Variants in BPIFB3 observed in about 807,000 individuals in gnomAD.
BPIFB3 encodes the protein BPI fold-containing family B member 3.
In BPIFB3, 49 loss-of-function variants were observed where a neutral mutation model predicts 53.1. The observed-to-expected ratio is 0.92, with a 90% CI of 0.73 to 1.17. The LOEUF (loss-of-function observed/expected upper bound fraction) is 1.17. Among genes scored for constraint, BPIFB3 ranks in the 50% most tolerant of loss-of-function variants. The pLI, the probability that BPIFB3 is intolerant of heterozygous loss-of-function variation, is 0.00. For synonymous variants in BPIFB3, 271 were observed against 269.6 expected (o/e 1.01, Z -0.05); for missense variants, 628 against 592.5 (o/e 1.06, Z -0.62).
chr20:33,071,191 G>A (rs985743588), intron 11 of BPIFB3, 62 bp from the exon 13 acceptor site: 149 of 1,485,536 alleles, frequency 1.0e-4, no homozygotes, highest in South Asian at 2.1e-4. Context: ...GGGGCAGGCT[G>A]GGGGTGGGAC....
chr20:33,061,895 T>C (rs757257765), intron 5 of BPIFB3, 64 bp downstream of exon 6: 437 of 1,584,180 alleles, frequency 2.8e-4, no homozygotes, highest in Non-Finnish European at 3.6e-4. Flanking sequence ...CCCCCTCTGG[T>C]TTTGGGTGAA....
chr20:33,072,260 T>C lies in BPIFB3; in HGVS notation c.1324+93T>C, dbSNP rs1019505670. 4 of 1,340,422 alleles carry C rather than the reference T, an allele frequency of 3.0e-6. No homozygotes were observed. In the East Asian group the frequency reaches 6.9e-5, roughly 23 times the overall value. The allele number at this position is 1,340,422 out of a possible 1,614,324, so 83.0% of individuals were successfully genotyped here. A position where few individuals can be genotyped will look rare whatever the true frequency, so the allele number is the denominator to read the frequency against. ...CTCTTTATGGTTCTGATGGGGACAC[T>C]GAGGCCAGAGAGAGAGGTCGATCCT... On this transcript the variant is annotated intron_variant, in intron 13 of 14. Coordinates refer to ENST00000375494, the Ensembl canonical transcript of BPIFB3.
intron 12 of BPIFB3, 94 bp from the exon 14 acceptor site, chr20:33,072,010 G>A: frequency 2.3e-6 from 3 of 1,315,706 alleles, no homozygotes; most frequent in Non-Finnish European, 2.2e-6. Context: ...AGGCAGCTGG[G>A]CCCCTGGGTT....
rs1600539797 is a variant in BPIFB3, at chr20:33,062,675, A to G, written c.591+844A>G. ...GTTTTGAAAACGAGCATTCATTGCC[A>G]ACATTCAGCATTGAAGATTTCTCGT... On this transcript the variant is annotated intron_variant, in intron 5 of 14. Coordinates refer to ENST00000375494, the Ensembl canonical transcript of BPIFB3. 2.6e-5 allele frequency among the ~76,000 whole-genome samples: 4 copies of G among 152,350 alleles called. 1 individual carries two copies. Among genetic ancestry groups the G allele is most frequent in the Admixed American group, 2.6e-4 (4 of 15,306 alleles).
chr20:33,067,992 AGTCTCAT>A (rs1231432739), intron 9 of BPIFB3, among the ~76,000 whole-genome samples: 1 of 152,168 alleles, frequency 6.6e-6, no homozygotes, highest in Admixed American at 6.5e-5. Flanking sequence ...TAATTTCCTT[AGTCTCAT>A]GACGTTGCAA....
chr20:33,065,116 T>C (rs1980619172), intron 8 of BPIFB3, among the ~76,000 whole-genome samples: 1 of 152,212 alleles, frequency 6.6e-6, no homozygotes, highest in Non-Finnish European at 1.5e-5. Context: ...TCACTTTCAA[T>C]TGGTCAGGAC....
intron 11 of BPIFB3, among the ~76,000 whole-genome samples, chr20:33,070,438 G>T (rs529036774): frequency 6.6e-6 from 1 of 152,112 alleles, no homozygotes; most frequent in Admixed American, 6.5e-5. Context: ...TCATCTACAC[G>T]CACAGTACTT....
chr20:33,066,872 C>T, exon 9 of BPIFB3: 1 of 1,614,118 alleles, frequency 6.2e-7, no homozygotes, highest in Non-Finnish European at 8.5e-7. Context: ...AGCTTTGCTC[C>T]CTGAGGTGAG....
At chr20:33,072,072 C>T (rs1328548425) in intron 12 of BPIFB3, 32 bp from the exon 14 acceptor site, 3 of 1,612,268 alleles carry the variant, frequency 1.9e-6, no homozygotes, top group East Asian at 2.2e-5. Flanking sequence ...CCCCAGAGCA[C>T]CACCCCCACC....
intron 5 of BPIFB3, 97 bp from the exon 7 acceptor site, chr20:33,063,518 C>A: frequency 7.3e-7 from 1 of 1,376,130 alleles, no homozygotes; most frequent in Non-Finnish European, 1.0e-6. Flanking sequence ...TGGTCCCCAG[C>A]ACCACATAGC....
At chr20:33,062,243 A>G (rs1368666531) in intron 5 of BPIFB3, among the ~76,000 whole-genome samples, 1 of 152,224 alleles carries the variant, frequency 6.6e-6, no homozygotes, top group Non-Finnish European at 1.5e-5. Flanking sequence ...ACAATTAAAC[A>G]TATTAAGATT....
intron 4 of BPIFB3, 23 bp from the exon 6 acceptor site, chr20:33,061,745 C>G: frequency 6.2e-7 from 1 of 1,613,482 alleles, no homozygotes; most frequent in Non-Finnish European, 8.5e-7. Context: ...CAGCCGCACC[C>G]ACATGTGTCT....
rs922686856 is a variant in BPIFB3, at chr20:33,064,825, A to C, written c.904A>C (p.Met302Leu). The stretch of plus-strand genomic sequence containing the variant: ...CCTGCAGACCAACGGCGCCCTCGAC[A>C]TGGACATCACCCCTGAGCTGGTGAG... Residue 302 changes from methionine (M) to leucine (L), a missense_variant, in exon 8 of 15, where the codon ATG becomes CTG. By Grantham distance (15) the Met-to-Leu change is conservative. Coordinates refer to ENST00000375494, the Ensembl canonical transcript of BPIFB3. 6.2e-6 allele frequency: 10 copies of C among 1,613,138 alleles called. No individual in the cohort carries two copies. In the Admixed American group the frequency reaches 1.2e-4, roughly 19 times the overall value.
At chr20:33,069,000 C>A in intron 10 of BPIFB3, 27 bp downstream of exon 11, 2 of 1,601,800 alleles carry the variant, frequency 1.2e-6, no homozygotes, top group Non-Finnish European at 1.7e-6. Flanking sequence ...TGGCTGGGGG[C>A]CCGGCATTGG....
exon 10 of BPIFB3, chr20:33,068,894 T>C (rs764403215): frequency 6.2e-7 from 1 of 1,614,072 alleles, no homozygotes; most frequent in Non-Finnish European, 8.5e-7. Context: ...AAGAAGGCCT[T>C]GGTCTCCCTC....
chr20:33,066,471 G>T (rs1013756858), intron 8 of BPIFB3, among the ~76,000 whole-genome samples: 1 of 152,204 alleles, frequency 6.6e-6, no homozygotes, highest in Non-Finnish European at 1.5e-5. Context: ...AAAAGGTTTT[G>T]AAGTTAGCCT....
chr20:33,063,801 C>A, intron 6 of BPIFB3, 126 bp downstream of exon 7: 1 of 950,734 alleles, frequency 1.1e-6, no homozygotes, highest in South Asian at 1.7e-5. Context: ...CCTCCTCACA[C>A]TGACAGGCTG....
chr20:33,068,169 A>G (rs1980741845), intron 9 of BPIFB3, among the ~76,000 whole-genome samples: 1 of 152,250 alleles, frequency 6.6e-6, no homozygotes, highest in Non-Finnish European at 1.5e-5. Flanking sequence ...AAGCTTCTGC[A>G]CTCAAGGGGT....
rs1980379752 is a variant in BPIFB3, at chr20:33,059,972, AC to A, written c.471del (p.Ile158SerfsTer52). 1.2e-6 allele frequency: 2 copies of A among 1,614,102 alleles called. No individual in the cohort carries two copies. The highest frequency in any genetic ancestry group is 4.5e-5 in the East Asian group (2 of 44,836). ...CGCTGGCCGTGAGCTCAAGGGGCACACCCATCCTTATCCTCAAGCGCTGCAG... is the reference window on the plus strand; with the variant it reads ...CGCTGGCCGTGAGCTCAAGGGGCACACCATCCTTATCCTCAAGCGCTGCAG... On this transcript the variant is annotated frameshift_variant, in exon 4 of 15. Transcript: ENST00000375494. LOFTEE classifies it high-confidence loss of function.
Sources: allele counts gnomAD v4.1 joint callset (sites outside exome capture counted in the v4.1 genomes callset), GRCh38; gene constraint gnomAD v4.1.1; transcripts MANE v1.5; gene names NCBI Gene and HGNC (gene_info 2026-07-23, HGNC 2026-07-21).